ARRDC2: variants seen among roughly 807,000 people sequenced by gnomAD.
ARRDC2 encodes the protein arrestin domain containing 2.
Under a neutral mutation model 38.9 loss-of-function variants are expected in ARRDC2, and 39 were observed. That is an observed-to-expected ratio of 1.00 (90% CI 0.78 to 1.31). ARRDC2 has a LOEUF of 1.31. ARRDC2 is among the 50% of genes most tolerant of loss of function. The pLI, the probability that ARRDC2 is intolerant of heterozygous loss-of-function variation, is 0.00. For synonymous variants in ARRDC2, 300 were observed against 261.9 expected (o/e 1.15, Z -1.41); for missense variants, 553 against 588.4 (o/e 0.94, Z 0.62).
At chr19:18,010,837 C>T (rs1241487301) in intron 7 of ARRDC2, 108 bp downstream of exon 7, 3 of 1,231,958 alleles carry the variant, frequency 2.4e-6, no homozygotes, top group Non-Finnish European at 3.3e-6. Context: ...TTTTTTTAGA[C>T]AGGGTCTTGC....
chr19:18,009,240 G>A (rs1430406117), intron 3 of ARRDC2, 122 bp downstream of exon 3: 13 of 1,222,502 alleles, frequency 1.1e-5, no homozygotes, highest in African/African-American at 4.5e-5. Context: ...GAGGGAGGCA[G>A]GTGTGGGAAT....
chr19:18,005,345 T>G (rs1392171474), upstream of ARRDC2, among the ~76,000 whole-genome samples: 2 of 152,022 alleles, frequency 1.3e-5, no homozygotes, highest in Non-Finnish European at 2.9e-5. Context: ...AGCAGAAGAA[T>G]TTTTCTTAGT....
intron 7 of ARRDC2, among the ~76,000 whole-genome samples, chr19:18,012,025 C>T (rs1216460814): frequency 2.2e-5 from 3 of 136,830 alleles, no homozygotes; most frequent in African/African-American, 8.3e-5. Flanking sequence ...GGCACAATCT[C>T]GGCTCACTGC....
At chr19:18,005,791 G>A (rs1266561551), upstream of ARRDC2, among the ~76,000 whole-genome samples, 1 of 151,828 alleles carries the variant, frequency 6.6e-6, no homozygotes, top group East Asian at 2.0e-4. Flanking sequence ...CCTCCTGGAC[G>A]GGGTGGCTGC....
chr19:18,003,556 G>C (rs1459507851), upstream of ARRDC2, among the ~76,000 whole-genome samples: 2 of 152,128 alleles, frequency 1.3e-5, no homozygotes, highest in African/African-American at 4.8e-5. Flanking sequence ...TGCCTCCCAG[G>C]TTCCAGTGAT....
chr19:18,008,258 T>C lies in ARRDC2; in HGVS notation c.-53T>C. On this transcript the variant is annotated 5_prime_UTR_variant, in exon 1 of 8. Transcript: ENST00000222250. The stretch of plus-strand genomic sequence containing the variant: ...CAGCGTCGGCATCTTGAGCTGCCGG[T>C]TCGCGAGTTCGAGGCCAGGTTCCGC... 6.4e-7 allele frequency: 1 copy of C among 1,565,062 alleles called. No individual in the cohort carries two copies. The highest frequency in any genetic ancestry group is 8.6e-7 in the Non-Finnish European group (1 of 1,167,260).
chr19:18,001,443 G>C, exon 1 of ARRDC2: 1 of 1,247,450 alleles, frequency 8.0e-7, no homozygotes. Flanking sequence ...GGGTGCGAGC[G>C]CTCGAGGTGA....
exon 1 of ARRDC2, chr19:18,001,241 C>A: frequency 8.8e-7 from 1 of 1,134,128 alleles, no homozygotes; most frequent in African/African-American, 1.6e-5. Context: ...CGCGGAAACC[C>A]CGGGGATCTG....
chr19:18,008,283 C>G lies in ARRDC2; in HGVS notation c.-28C>G. ...TTCGCGAGTTCGAGGCCAGGTTCCG[C>G]CTGTCGTGGGTTCGCACCCCGGACG... On this transcript the variant is annotated 5_prime_UTR_variant, in exon 1 of 8. Transcript: ENST00000222250. The G allele has an allele frequency of 6.3e-7, 1 of 1,585,276 alleles. No individual in the cohort carries two copies. The highest frequency in any genetic ancestry group is 8.5e-7 in the Non-Finnish European group (1 of 1,174,740).
chr19:18,001,358 G>T, exon 1 of ARRDC2: 2 of 1,196,768 alleles, frequency 1.7e-6, no homozygotes, highest in East Asian at 3.5e-5. Flanking sequence ...GAGCTGGCGC[G>T]GGGCCCGGGC....
chr19:18,007,676 C>G (rs1212141173), upstream of ARRDC2: 5 of 155,926 alleles, frequency 3.2e-5, no homozygotes, highest in Non-Finnish European at 5.7e-5. Flanking sequence ...GTGCAGCAGG[C>G]ACCAGTGTGG....
chr19:18,005,711 G>C (rs907701543), upstream of ARRDC2, among the ~76,000 whole-genome samples: 2 of 150,670 alleles, frequency 1.3e-5, no homozygotes, highest in Admixed American at 1.3e-4. Flanking sequence ...GGCTGGCTGG[G>C]TGGGGGGCTG....
intron 1 of ARRDC2, chr19:18,001,671 C>G: frequency 4.1e-6 from 5 of 1,217,718 alleles, no homozygotes; most frequent in Non-Finnish European, 5.1e-6. Flanking sequence ...CCTATGCGGT[C>G]GGGTGATCCT....
At chr19:18,006,485 G>A (rs143987155), upstream of ARRDC2, among the ~76,000 whole-genome samples, 6 of 152,300 alleles carry the variant, frequency 3.9e-5, no homozygotes, top group Non-Finnish European at 7.3e-5. Context: ...CAGGCGTGGC[G>A]GCGCGCGCCT....
Position 18,009,505 on chromosome 19 carries a change from C to T in ARRDC2, c.490-87C>T, listed in dbSNP as rs1028559061. ...AAACCAAGCCCTGCCCAAAGTCCTC[C>T]CTCAGCTGGGGGTGGTTTGGAAGCT... On this transcript the variant is annotated intron_variant, in intron 3 of 7. Coordinates refer to ENST00000222250, the MANE Select transcript of ARRDC2 (RefSeq NM_015683.2). 4 of 1,243,202 alleles carry T rather than the reference C, an allele frequency of 3.2e-6. No individual in the cohort carries two copies. In the African/African-American group the frequency reaches 4.5e-5, roughly 14 times the overall value. The allele number at this position is 1,243,202 out of a possible 1,614,324, so 77.0% of individuals were successfully genotyped here. A position where few individuals can be genotyped will look rare whatever the true frequency, so the allele number is the denominator to read the frequency against.
Position 18,012,931 on chromosome 19 carries a change from T to C in ARRDC2, c.1189T>C (p.Leu397=), listed in dbSNP as rs1291360581. 7 of 1,613,886 alleles carry C rather than the reference T, an allele frequency of 4.3e-6. No individual in the cohort carries two copies. In the South Asian group the frequency reaches 6.6e-5, roughly 15 times the overall value. Residue 397 remains leucine, a synonymous_variant, in exon 8 of 8, where the codon TTG becomes CTG. Coordinates refer to ENST00000222250, the MANE Select transcript of ARRDC2 (RefSeq NM_015683.2). ...LYSEEDPNPL[L]GDMRPRCMTC ...CTCTTAGGAGGATCCAAACCCACTC[T>C]TGGGGGACATGAGGCCGCGCTGCAT...
At chr19:18,006,331 G>A (rs150431168), upstream of ARRDC2, among the ~76,000 whole-genome samples, 4,432 of 152,258 alleles carry the variant, frequency 0.029, 95 homozygotes, top group Non-Finnish European at 0.044. Flanking sequence ...CTCCAGCCTG[G>A]GCACCATTGA....
chr19:18,006,031 C>T (rs990175283), upstream of ARRDC2, among the ~76,000 whole-genome samples: 8 of 151,366 alleles, frequency 5.3e-5, no homozygotes, highest in African/African-American at 7.3e-5. Context: ...AGACGATGGG[C>T]GGCCGGGCAG....
At chr19:18,012,819 A>G in intron 7 of ARRDC2, 94 bp from the exon 8 acceptor site, 1 of 1,347,096 alleles carries the variant, frequency 7.4e-7, no homozygotes, top group Non-Finnish European at 1.0e-6. Context: ...TCCCTGGTCA[A>G]GGGCGGGAGT....
Sources: allele counts gnomAD v4.1 joint callset (sites outside exome capture counted in the v4.1 genomes callset), GRCh38; gene constraint gnomAD v4.1.1; transcripts MANE v1.5; gene names NCBI Gene and HGNC (gene_info 2026-07-23, HGNC 2026-07-21).